Variants in GINS3 observed in about 807,000 individuals in gnomAD.
The protein encoded by GINS3 is GINS complex subunit 3.
GINS3 carries 18 observed loss-of-function variants against 20.0 expected under a neutral mutation model. The ratio of observed to expected loss-of-function variants is 0.90; its 90% CI spans 0.62 to 1.33. GINS3 has a LOEUF of 1.33. Among genes scored for constraint, GINS3 ranks in the 40% most tolerant of loss-of-function variants. The pLI, the probability that GINS3 is intolerant of heterozygous loss-of-function variation, is 0.00. For missense variants in GINS3, 254 were observed against 273.6 expected, an observed-to-expected ratio of 0.93 and a Z score of 0.51; for synonymous variants, 109 against 107.0, an observed-to-expected ratio of 1.02 and a Z score of -0.12.
chr16:58,395,120 A>T, intron 1 of GINS3: 2 of 539,218 alleles, frequency 3.7e-6, no homozygotes, highest in Non-Finnish European at 3.2e-6. Context: ...TCTGTTGCCC[A>T]GGCTGGAGTG....
chr16:58,401,364 G>T (rs1965951689), intron 1 of GINS3, among the ~76,000 whole-genome samples: 1 of 152,116 alleles, frequency 6.6e-6, no homozygotes, highest in Non-Finnish European at 1.5e-5. Flanking sequence ...AAGACTTACT[G>T]TGAAGAGCTA....
In GINS3 at chr16:58,403,023, T is replaced by A. The variant is rs116532071; in HGVS notation, c.187-75T>A. On this transcript the variant is annotated intron_variant, in intron 1 of 2. Transcript: ENST00000318129. ...AAAAGGCAGTATTGCGCAGGCGATG[T>A]GTATTTCCTTTTCGTCACACACATT... 1,812 of 1,179,838 alleles carry A rather than the reference T, an allele frequency of 1.5e-3. 27 individuals are homozygous for A. The African/African-American group carries it at 0.025, about 16-fold the overall frequency. 73.1% of individuals were successfully genotyped at this position (1,179,838 alleles called of 1,614,324 possible).
intron 1 of GINS3, among the ~76,000 whole-genome samples, chr16:58,399,247 A>G (rs1049775275): frequency 4.0e-5 from 6 of 151,706 alleles, no homozygotes; most frequent in Non-Finnish European, 5.9e-5. Flanking sequence ...CTAGAAGACC[A>G]CTGCACTCCA....
At chr16:58,394,766 A>G (rs948544333) in intron 1 of GINS3, among the ~76,000 whole-genome samples, 8 of 152,220 alleles carry the variant, frequency 5.3e-5, no homozygotes, top group African/African-American at 1.9e-4. Flanking sequence ...GCCTACTATC[A>G]ACAGGACTTT....
At chr16:58,396,893 AC>A (rs1393570834) in intron 1 of GINS3, among the ~76,000 whole-genome samples, 2 of 129,258 alleles carry the variant, frequency 1.5e-5, no homozygotes, top group South Asian at 2.5e-4. Flanking sequence ...CGGGGGGCTG[AC>A]CCCCCCACCT....
intron 2 of GINS3, 135 bp downstream of exon 2, chr16:58,403,466 G>C (rs146760300): frequency 7.9e-6 from 5 of 633,962 alleles, no homozygotes; most frequent in South Asian, 5.9e-5. Flanking sequence ...CAGTTACACT[G>C]TCTGTCCATT....
chr16:58,394,082 T>A (rs1199856347), intron 1 of GINS3, among the ~76,000 whole-genome samples: 1 of 152,190 alleles, frequency 6.6e-6, no homozygotes, highest in Admixed American at 6.5e-5. Flanking sequence ...CCATACACAC[T>A]GGTAAACATG....
chr16:58,401,024 A>G (rs1249916781), intron 1 of GINS3, among the ~76,000 whole-genome samples: 1 of 151,992 alleles, frequency 6.6e-6, no homozygotes, highest in East Asian at 1.9e-4. Flanking sequence ...CATGTTGGTC[A>G]GGCCCGTCTC....
At chr16:58,397,793 C>G (rs1303302061) in intron 1 of GINS3, among the ~76,000 whole-genome samples, 1 of 151,590 alleles carries the variant, frequency 6.6e-6, no homozygotes, top group Non-Finnish European at 1.5e-5. Context: ...AGAGGGAGAC[C>G]GTGGAAAGAG....
intron 1 of GINS3, among the ~76,000 whole-genome samples, chr16:58,395,954 C>CG (rs569340829): frequency 1.7e-3 from 240 of 145,386 alleles, no homozygotes; most frequent in African/African-American, 5.6e-3. Context: ...GCTGGCTGGG[C>CG]GGGGGGCTGG....
chr16:58,399,438 A>ATC (rs1965926782), intron 1 of GINS3, among the ~76,000 whole-genome samples: 1 of 152,010 alleles, frequency 6.6e-6, no homozygotes, highest in African/African-American at 2.4e-5. Context: ...GTCTCCCTTT[A>ATC]TCTCTAATGC....
intron 1 of GINS3, among the ~76,000 whole-genome samples, chr16:58,397,571 G>C (rs982178353): frequency 6.6e-6 from 1 of 152,190 alleles, no homozygotes; most frequent in Non-Finnish European, 1.5e-5. Context: ...TCGGGAGGCT[G>C]AGGCTGGCGG....
intron 1 of GINS3, chr16:58,393,627 G>A (rs1026364305): frequency 6.6e-5 from 10 of 152,226 alleles, no homozygotes; most frequent in African/African-American, 2.4e-4. Context: ...CGGATCACGA[G>A]GTCAAGAGAT....
chr16:58,396,527 C>G (rs1216575398), intron 1 of GINS3, among the ~76,000 whole-genome samples: 1 of 53,182 alleles, frequency 1.9e-5, no homozygotes, highest in Non-Finnish European at 3.7e-5. Context: ...CTGACCCCCC[C>G]ACCTCCCTCC....
intron 1 of GINS3, among the ~76,000 whole-genome samples, chr16:58,396,676 AC>A (rs1965871352): frequency 1.3e-5 from 1 of 77,844 alleles, no homozygotes; most frequent in African/African-American, 5.7e-5. Flanking sequence ...TGACCCCCCG[AC>A]CTCCCTCCCG....
At chr16:58,395,893 T>G (rs536145488) in intron 1 of GINS3, among the ~76,000 whole-genome samples, 19 of 151,444 alleles carry the variant, frequency 1.3e-4, no homozygotes, top group African/African-American at 4.6e-4. Flanking sequence ...GCTCCTCACT[T>G]CCCAGTAGGG....
chr16:58,397,417 G>A (rs1965892331), intron 1 of GINS3, among the ~76,000 whole-genome samples: 1 of 149,714 alleles, frequency 6.7e-6, no homozygotes, highest in Non-Finnish European at 1.5e-5. Context: ...CAGCCGGGCA[G>A]AGGCTGCAAT....
chr16:58,395,788 C>T (rs988157196), intron 1 of GINS3, among the ~76,000 whole-genome samples: 1 of 152,198 alleles, frequency 6.6e-6, no homozygotes, highest in African/African-American at 2.4e-5. Context: ...ACCTTTCCCC[C>T]CTTTCTATTC....
chr16:58,395,333 A>AT (rs1391798929), intron 1 of GINS3: 252 of 156,808 alleles, frequency 1.6e-3, no homozygotes, highest in Non-Finnish European at 2.5e-3. Context: ...ATATATATAT[A>AT]TATATTTTTT....
Sources: gnomAD v4.1 joint callset for allele counts (sites outside exome capture counted in the v4.1 genomes callset) on GRCh38, gnomAD v4.1.1 for gene constraint, MANE v1.5 for transcripts, NCBI Gene and HGNC (gene_info 2026-07-23, HGNC 2026-07-21) for gene names.